The following P4HA1 variants were observed in gnomAD, a reference collection of about 807,000 sequenced individuals.
P4HA1 encodes prolyl 4-hydroxylase subunit alpha 1, also known as prolyl 4-hydroxylase subunit alpha-1.
Under a neutral mutation model 72.8 loss-of-function variants are expected in P4HA1, and 24 were observed. That is an observed-to-expected ratio of 0.33 (90% CI 0.24 to 0.46). P4HA1 has a LOEUF of 0.46. Among genes scored for constraint, P4HA1 ranks in the 20% least tolerant of loss-of-function variants. The pLI, the probability that P4HA1 is intolerant of heterozygous loss-of-function variation, is 1.00. For synonymous variants in P4HA1, 201 were observed against 218.8 expected, an observed-to-expected ratio of 0.92 and a Z score of 0.72; for missense variants, 446 against 640.6, an observed-to-expected ratio of 0.70 and a Z score of 3.28.
chr10:73,058,090 GAAAAAAAAAAAAA>G (rs869244017), intron 5 of P4HA1, among the ~76,000 whole-genome samples: 16 of 23,072 alleles, frequency 6.9e-4, no homozygotes, highest in Admixed American at 1.7e-3. Flanking sequence ...ACTCCGTCCA[GAAAAAAAAAAAAA>G]AAAAAAAAAA....
At chr10:73,010,363 CT>C (rs1162601934) in intron 13 of P4HA1, among the ~76,000 whole-genome samples, 1 of 152,094 alleles carries the variant, frequency 6.6e-6, no homozygotes, top group Non-Finnish European at 1.5e-5. Context: ...GGTTATATCA[CT>C]TTAAGAACCG....
At position 73,060,261 on chromosome 10, in the gene P4HA1, GAAGAA is replaced by G. The variant is rs141970493; in HGVS notation, c.464-6676_464-6672del. On this transcript the variant is annotated intron_variant, in intron 5 of 14. Coordinates refer to ENST00000394890, the MANE Select transcript of P4HA1 (RefSeq NM_001017962.3). ...AATATCCTTAGGAACCAAATTTTCA[GAAGAA>G]AAGAGATATAAATATAAACCCTGTG... Among the ~76,000 whole-genome samples the G allele has an allele frequency of 6.7e-3, 1,025 of 151,962 alleles. 9 individuals are homozygous for G. Among genetic ancestry groups the G allele is most frequent in the African/African-American group, 0.023 (950 of 41,514 alleles).
At chr10:73,093,899 T>TATAC (rs1409126822) in intron 1 of P4HA1, among the ~76,000 whole-genome samples, 1 of 76,140 alleles carries the variant, frequency 1.3e-5, no homozygotes, top group Non-Finnish European at 2.3e-5. Context: ...TATATATATA[T>TATAC]ATATATATAC....
Position 73,037,560 on chromosome 10 carries a change from TATATATA to T in P4HA1, c.1149-7197_1149-7191del, listed in dbSNP as rs1468288553. 2.2e-3 allele frequency among the ~76,000 whole-genome samples: 82 copies of T among 36,468 alleles called. 1 individual carries two copies. The highest frequency in any genetic ancestry group is 0.011 in the East Asian group (13 of 1,192). The allele number at this position is 36,468 out of a possible 152,430, so 23.9% of individuals were successfully genotyped here. A position where few individuals can be genotyped will look rare whatever the true frequency, so the allele number is the denominator to read the frequency against. On this transcript the variant is annotated intron_variant, in intron 9 of 14. Coordinates refer to ENST00000394890, the MANE Select transcript of P4HA1 (RefSeq NM_001017962.3). ...ATATATATATATATATATATATATA[TATATATA>T]TATATTTTTTTTTTTTTTTTTTTAC...
chr10:73,079,166 T>G (rs1336008457), intron 1 of P4HA1, among the ~76,000 whole-genome samples: 1 of 152,232 alleles, frequency 6.6e-6, no homozygotes, highest in African/African-American at 2.4e-5. Flanking sequence ...CAAAGATACT[T>G]AAGCCTAAAC....
rs144223387 is a variant in P4HA1, at chr10:73,030,737, G to A, written c.1149-367C>T. Among the ~76,000 whole-genome samples, 294 of 152,276 alleles carry A rather than the reference G, an allele frequency of 1.9e-3. 2 individuals carry two copies. Among genetic ancestry groups the A allele is most frequent in the Admixed American group, 3.7e-3 (56 of 15,296 alleles). On this transcript the variant is annotated intron_variant, in intron 9 of 14. Coordinates refer to ENST00000394890, the MANE Select transcript of P4HA1 (RefSeq NM_001017962.3). ...TCTTTCCAGGTAAGGTATAGGAACT[G>A]ACTATGGTGGAAGTCATGGGGTCTT... is the stretch of plus-strand genomic sequence containing the variant.
chr10:73,081,821 T>TC (rs1284213879), intron 1 of P4HA1, among the ~76,000 whole-genome samples: 1 of 152,048 alleles, frequency 6.6e-6, no homozygotes, highest in African/African-American at 2.4e-5. Context: ...GATCACGAGG[T>TC]CAGGAGTTCG....
intron 5 of P4HA1, among the ~76,000 whole-genome samples, chr10:73,058,694 A>C (rs1163417146): frequency 1.3e-5 from 2 of 151,982 alleles, no homozygotes; most frequent in Non-Finnish European, 2.9e-5. Flanking sequence ...AAAAGAAATG[A>C]GGATTTCTAT....
intron 10 of P4HA1, among the ~76,000 whole-genome samples, chr10:73,023,609 G>T (rs552196091): frequency 1.3e-3 from 197 of 152,138 alleles, no homozygotes; most frequent in Non-Finnish European, 1.8e-3. Flanking sequence ...AATAACCAGC[G>T]AACATCATAA....
Position 73,008,038 on chromosome 10 carries a change from C to T in P4HA1, c.*184G>A, listed in dbSNP as rs201628822. The stretch of plus-strand genomic sequence containing the variant: ...AAGGTTTTATGCAATATGATGATTT[C>T]GTGTTACTTTTAAAAGAACCCACAA... On this transcript the variant is annotated 3_prime_UTR_variant, in exon 15 of 15. Coordinates refer to ENST00000394890, the MANE Select transcript of P4HA1 (RefSeq NM_001017962.3). The T allele has an allele frequency of 1.0e-4, 35 of 339,598 alleles. No individual in the cohort carries two copies. The highest frequency in any genetic ancestry group is 6.3e-4 in the Middle Eastern group (1 of 1,582). 21.0% of individuals were successfully genotyped at this position (339,598 alleles called of 1,614,324 possible). A position where few individuals can be genotyped will look rare whatever the true frequency, so the allele number is the denominator to read the frequency against.
At chr10:73,011,069 G>A (rs199777001) in intron 12 of P4HA1, 32 bp from the exon 13 acceptor site, 949 of 1,541,906 alleles carry the variant, frequency 6.2e-4, no homozygotes, top group Non-Finnish European at 7.9e-4. Context: ...TATCAAAAGT[G>A]CTGGTAGAAT....
chr10:73,035,739 A>C (rs1840554147), intron 9 of P4HA1, among the ~76,000 whole-genome samples: 1 of 152,226 alleles, frequency 6.6e-6, no homozygotes, highest in Non-Finnish European at 1.5e-5. Flanking sequence ...GATAAATGTC[A>C]AATTTCCCTC....
intron 5 of P4HA1, among the ~76,000 whole-genome samples, chr10:73,059,419 A>G (rs1294482557): frequency 1.6e-5 from 2 of 127,910 alleles, no homozygotes; most frequent in Admixed American, 8.0e-5. Flanking sequence ...ATGAGACAAT[A>G]TATTTAAAAA....
intron 10 of P4HA1, among the ~76,000 whole-genome samples, chr10:73,029,222 G>A (rs1840371124): frequency 6.6e-6 from 1 of 151,986 alleles, no homozygotes; most frequent in Non-Finnish European, 1.5e-5. Flanking sequence ...GAGCAGCCTG[G>A]CCAACATGGT....
chr10:73,035,087 C>T (rs753613978), intron 9 of P4HA1, among the ~76,000 whole-genome samples: 2 of 152,066 alleles, frequency 1.3e-5, no homozygotes, highest in Non-Finnish European at 2.9e-5. Context: ...TGACTCCTTG[C>T]TTTAAATTAT....
At chr10:73,054,088 G>A (rs1189442165) in intron 5 of P4HA1, among the ~76,000 whole-genome samples, 1 of 151,920 alleles carries the variant, frequency 6.6e-6, no homozygotes, top group African/African-American at 2.4e-5. Flanking sequence ...AGCTAATTTT[G>A]TATTTTTAGT....
intron 9 of P4HA1, among the ~76,000 whole-genome samples, chr10:73,037,830 T>C (rs1018640410): frequency 1.3e-5 from 2 of 151,480 alleles, no homozygotes; most frequent in South Asian, 2.1e-4. Context: ...TTAAAAGTTA[T>C]GCCATTAAAA....
chr10:73,014,765 T>G (rs1382210457), intron 11 of P4HA1, among the ~76,000 whole-genome samples: 1 of 152,130 alleles, frequency 6.6e-6, no homozygotes, highest in Non-Finnish European at 1.5e-5. Context: ...TGAAGCTTAA[T>G]TTACCTTGAG....
intron 10 of P4HA1, among the ~76,000 whole-genome samples, chr10:73,023,808 G>GAAAAAAAAAAA (rs1229563598): frequency 1.2e-5 from 1 of 85,168 alleles, no homozygotes; most frequent in African/African-American, 3.5e-5. Context: ...CAAATGGAAA[G>GAAAAAAAAAAA]AAAAAAAAAA....
Sources: allele counts gnomAD v4.1 joint callset (sites outside exome capture counted in the v4.1 genomes callset), GRCh38; gene constraint gnomAD v4.1.1; transcripts MANE v1.5; gene names NCBI Gene and HGNC (gene_info 2026-07-23, HGNC 2026-07-21).